The following RAD54L variants were observed in gnomAD, a reference collection of about 807,000 sequenced individuals.
The protein encoded by RAD54L is RAD54 like, also known as DNA repair and recombination protein RAD54-like.
A neutral mutation model predicts 91.6 loss-of-function variants in RAD54L; 74 were observed. The ratio of observed to expected loss-of-function variants is 0.81; its 90% CI spans 0.67 to 0.98. RAD54L has a LOEUF of 0.98. Ranked by LOEUF, RAD54L falls within the 50% of genes least tolerant of loss-of-function variation. RAD54L has a pLI of 0.00. For missense variants in RAD54L, 887 were observed against 945.7 expected (o/e 0.94, Z 0.81); for synonymous variants, 304 against 349.7 (o/e 0.87, Z 1.46).
rs371268995 is a variant in RAD54L at position 46,261,360 on chromosome 1, G to C, written c.866G>C (p.Ser289Thr). ...CATGTTGGAGTCCTCCAGAAAGGAA[G>C]TGTTGGTCTGGTCATATGTGACGAG... ...RLHVGVLQKG[S>T]VGLVICDEGH... The change falls in exon 8 of 18, where the codon AGT (serine) becomes ACT (threonine). Residue 289 changes from serine (S) to threonine (T), a missense_variant. By Grantham distance (58) the Ser-to-Thr change is moderately conservative. Transcript: ENST00000371975. The C allele has an allele frequency of 1.2e-5, 20 of 1,613,968 alleles. No homozygotes were observed. The highest frequency in any genetic ancestry group is 1.6e-5 in the Non-Finnish European group (19 of 1,180,024).
chr1:46,269,166 A>G (rs761953968), intron 9 of RAD54L, among the ~76,000 whole-genome samples: 12 of 151,946 alleles, frequency 7.9e-5, no homozygotes, highest in Non-Finnish European at 1.3e-4. Context: ...TCATAAATCA[A>G]ATGTTCATAT....
At chr1:46,275,689 T>C (rs1030643724) in intron 16 of RAD54L, among the ~76,000 whole-genome samples, 10 of 152,222 alleles carry the variant, frequency 6.6e-5, no homozygotes, top group Non-Finnish European at 1.0e-4. Flanking sequence ...TCAAATTTCC[T>C]ACCTAACTCA....
intron 5 of RAD54L, 68 bp from the exon 6 acceptor site, chr1:46,260,474 C>T (rs1660078191): frequency 2.0e-6 from 3 of 1,479,684 alleles, no homozygotes; most frequent in Non-Finnish European, 1.9e-6. Flanking sequence ...ATCAGCAGGA[C>T]ACAGCTTCCT....
Position 46,257,600 on chromosome 1 carries a change from G to A in RAD54L, c.211-1086G>A, listed in dbSNP as rs563305032. 1.3e-3 allele frequency among the ~76,000 whole-genome samples: 192 copies of A among 152,332 alleles called. 1 individual carries two copies. The highest frequency in any genetic ancestry group is 4.3e-3 in the African/African-American group (180 of 41,566). On this transcript the variant is annotated intron_variant, in intron 3 of 17. Coordinates refer to ENST00000371975, the MANE Select transcript of RAD54L (RefSeq NM_003579.4). ...CAGAGGCTTCTTGCCTTTAGGTGGA[G>A]GAGTCACCAGTGCTACCTCTCTAGG...
chr1:46,270,918 G>C (rs891584903), intron 10 of RAD54L, 133 bp downstream of exon 10: 33 of 1,206,372 alleles, frequency 2.7e-5, no homozygotes, highest in Non-Finnish European at 3.3e-5. Flanking sequence ...TCCTAACTAT[G>C]GCCACTGAAT....
In RAD54L at chr1:46,261,330, G is replaced by A. The variant is rs1363172157; in HGVS notation, c.836G>A (p.Arg279His). ...PILIISYETF[R>H]LHVGVLQKGS... The stretch of plus-strand genomic sequence containing the variant: ...CTCATCATTTCCTATGAGACCTTCC[G>A]CCTTCATGTTGGAGTCCTCCAGAAA... Residue 279 changes from arginine (R) to histidine (H), a missense_variant, in exon 8 of 18, where the codon CGC becomes CAC. Arg to His is a conservative substitution (Grantham distance 29). Transcript: ENST00000371975. The A allele has an allele frequency of 9.9e-6, 16 of 1,613,620 alleles. No individual in the cohort carries two copies. Among genetic ancestry groups the A allele is most frequent in the Admixed American group, 8.3e-5 (5 of 59,948 alleles).
At position 46,248,392 on chromosome 1, in the gene RAD54L, C is replaced by A; in HGVS notation, c.-14C>A. 1 of 1,613,826 alleles carries A rather than the reference C, an allele frequency of 6.2e-7. No individual in the cohort carries two copies. The highest frequency in any genetic ancestry group is 8.5e-7 in the Non-Finnish European group (1 of 1,180,018). On this transcript the variant is annotated 5_prime_UTR_variant, in exon 1 of 18. Coordinates refer to ENST00000371975, the MANE Select transcript of RAD54L (RefSeq NM_003579.4). ...GCTCATGGGTACTTGACGTTTTAAA[C>A]TCCTAGGCCCAGGATGGTAAGTGTG...
intron 8 of RAD54L, among the ~76,000 whole-genome samples, chr1:46,266,767 G>A (rs1660276031): frequency 6.6e-6 from 1 of 152,186 alleles, no homozygotes; most frequent in Non-Finnish European, 1.5e-5. Context: ...CTGATGTGGA[G>A]GGGAGGACTC....
chr1:46,273,739 T>G lies in RAD54L; in HGVS notation c.1602T>G (p.Arg534=), dbSNP rs962891472. The change falls in exon 14 of 18, where the codon CGT becomes CGG. Residue 534 remains arginine (R), a synonymous_variant. Transcript: ENST00000371975. ...TGGATCTCTTTGAGAAGCTGTGCCGTGCCCGAAGGTAGGGAAGATCCTAAC... is the reference window on the plus strand; with the variant it reads ...TGGATCTCTTTGAGAAGCTGTGCCGGGCCCGAAGGTAGGGAAGATCCTAAC... ...QTLDLFEKLC[R]ARRYLYVRLD... 43 of 1,606,958 alleles carry G rather than the reference T, an allele frequency of 2.7e-5. No individual in the cohort carries two copies. The highest frequency in any genetic ancestry group is 3.7e-5 in the Non-Finnish European group (43 of 1,176,502).
At chr1:46,248,652 A>C in intron 2 of RAD54L, 54 bp downstream of exon 2, 1 of 1,565,290 alleles carries the variant, frequency 6.4e-7, no homozygotes, top group South Asian at 1.1e-5. Context: ...ACAGAAAAGA[A>C]GCCAGGATTT....
Position 46,278,257 on chromosome 1 carries a change from A to G in RAD54L, c.2219A>G (p.His740Arg), listed in dbSNP as rs1261009221. ...AITFVFHQRS[H>R]EEQRGLR ...ACCTTCGTCTTCCACCAGCGTTCTCATGAGGAGCAGCGGGGCCTCCGCTGA... is the reference window on the plus strand; with the variant it reads ...ACCTTCGTCTTCCACCAGCGTTCTCGTGAGGAGCAGCGGGGCCTCCGCTGA... The change falls in exon 18 of 18, where the codon CAT becomes CGT. Residue 740 changes from histidine to arginine, a missense_variant. His to Arg is a conservative substitution (Grantham distance 29). Transcript: ENST00000371975. 6.2e-7 allele frequency: 1 copy of G among 1,613,116 alleles called. No homozygotes were observed. The highest frequency in any genetic ancestry group is 8.5e-7 in the Non-Finnish European group (1 of 1,179,518).
chr1:46,267,458 G>A lies in RAD54L; in HGVS notation c.892-1G>A, dbSNP rs1660297582. 1 of 1,613,968 alleles carries A rather than the reference G, an allele frequency of 6.2e-7. No individual in the cohort carries two copies. Among genetic ancestry groups the A allele is most frequent in the Non-Finnish European group, 8.5e-7 (1 of 1,180,024 alleles). On this transcript the variant is annotated splice_acceptor_variant, in intron 8 of 17. Coordinates refer to ENST00000371975, the MANE Select transcript of RAD54L (RefSeq NM_003579.4). LOFTEE classifies it high-confidence loss of function. The stretch of plus-strand genomic sequence containing the variant: ...CGCTCTGAATAAGGATTCTCTTGCA[G>A]GGACACAGGCTCAAGAACTCTGAGA...
At position 46,258,666 on chromosome 1, in the gene RAD54L, T is replaced by C; in HGVS notation, c.211-20T>C. 1 of 1,578,134 alleles carries C rather than the reference T, an allele frequency of 6.3e-7. No individual in the cohort carries two copies. Among genetic ancestry groups the C allele is most frequent in the African/African-American group, 1.3e-5 (1 of 74,250 alleles). ...ACATCTCCAGTCAGTCCTGAATCCT[T>C]GTTTCTCCTTTCTTTTTAGGAAGCA... On this transcript the variant is annotated intron_variant, in intron 3 of 17. Coordinates refer to ENST00000371975, the MANE Select transcript of RAD54L (RefSeq NM_003579.4).
At chr1:46,273,882 A>C in intron 14 of RAD54L, 135 bp downstream of exon 14, 1 of 1,316,192 alleles carries the variant, frequency 7.6e-7, no homozygotes. Context: ...CCTTATTGCT[A>C]TGATGGCCTC....
chr1:46,256,339 A>G (rs1659939946), intron 3 of RAD54L, among the ~76,000 whole-genome samples: 1 of 152,184 alleles, frequency 6.6e-6, no homozygotes, highest in South Asian at 2.1e-4. Flanking sequence ...TCAGCCTCCC[A>G]AAGCACTGGG....
intron 5 of RAD54L, 151 bp from the exon 6 acceptor site, chr1:46,260,391 G>A: frequency 1.1e-6 from 1 of 907,006 alleles, no homozygotes; most frequent in East Asian, 2.5e-5. Context: ...TCCTAAAGTA[G>A]GAACTTGCTA....
intron 3 of RAD54L, among the ~76,000 whole-genome samples, chr1:46,253,941 A>G (rs141389945): frequency 2.1e-4 from 32 of 151,998 alleles, no homozygotes; most frequent in African/African-American, 7.5e-4. Context: ...ATATTATTAT[A>G]GTTATCTTTA....
intron 3 of RAD54L, among the ~76,000 whole-genome samples, chr1:46,251,059 A>C (rs1659784964): frequency 6.6e-6 from 1 of 151,966 alleles, no homozygotes; most frequent in Non-Finnish European, 1.5e-5. Flanking sequence ...CTGTAATCCC[A>C]ACACTTTGGG....
intron 4 of RAD54L, among the ~76,000 whole-genome samples, chr1:46,259,266 C>T (rs1020334399): frequency 6.6e-6 from 1 of 151,748 alleles, no homozygotes; most frequent in Non-Finnish European, 1.5e-5. Flanking sequence ...CCTCCCACCT[C>T]GACCTCTCAA....
Sources: allele counts gnomAD v4.1 joint callset (sites outside exome capture counted in the v4.1 genomes callset), GRCh38; gene constraint gnomAD v4.1.1; transcripts MANE v1.5; gene names NCBI Gene and HGNC (gene_info 2026-07-23, HGNC 2026-07-21).